Variants in ADTRP observed in about 807,000 individuals in gnomAD.
ADTRP encodes androgen-dependent TFPI-regulating protein.
ADTRP carries 20 observed loss-of-function variants against 27.0 expected under a neutral mutation model. The ratio of observed to expected loss-of-function variants is 0.74; its 90% CI spans 0.52 to 1.08. The LOEUF is 1.08. ADTRP is among the 50% of genes least tolerant of loss of function. The pLI, the probability that ADTRP is intolerant of heterozygous loss-of-function variation, is 0.00. For missense variants in ADTRP, 251 were observed against 275.0 expected, an observed-to-expected ratio of 0.91 and a Z score of 0.62; for synonymous variants, 101 against 105.2, an observed-to-expected ratio of 0.96 and a Z score of 0.25.
At chr6:11,742,159 T>TA (rs746768138) in intron 3 of ADTRP, among the ~76,000 whole-genome samples, 1 of 152,150 alleles carries the variant, frequency 6.6e-6, no homozygotes, top group Non-Finnish European at 1.5e-5. Context: ...CTCCCCAGCA[T>TA]AAAAACCTTC....
chr6:11,752,556 G>T (rs747750695), intron 3 of ADTRP, among the ~76,000 whole-genome samples: 1 of 152,168 alleles, frequency 6.6e-6, no homozygotes, highest in East Asian at 1.9e-4. Flanking sequence ...CCAGATGGGG[G>T]TGATTCATGG....
chr6:11,771,930 C>A (rs1389986247), intron 1 of ADTRP, among the ~76,000 whole-genome samples: 1 of 152,176 alleles, frequency 6.6e-6, no homozygotes, highest in African/African-American at 2.4e-5. Flanking sequence ...CTTCCAGCCT[C>A]CAGAACTATG....
intron 4 of ADTRP, among the ~76,000 whole-genome samples, chr6:11,723,832 GT>G (rs1368119117): frequency 2.6e-5 from 4 of 152,084 alleles, no homozygotes; most frequent in Non-Finnish European, 2.9e-5. Context: ...GCTGAGGGGG[GT>G]GGATCACCTG....
chr6:11,722,480 C>T (rs540754663), intron 5 of ADTRP, among the ~76,000 whole-genome samples: 15 of 151,988 alleles, frequency 9.9e-5, no homozygotes, highest in Non-Finnish European at 2.2e-4. Flanking sequence ...GGCATGTGGG[C>T]GAGTGATGTG....
intron 3 of ADTRP, among the ~76,000 whole-genome samples, chr6:11,743,049 C>T (rs954936525): frequency 1.3e-5 from 2 of 152,232 alleles, no homozygotes; most frequent in Admixed American, 6.5e-5. Flanking sequence ...CCATCCCCAG[C>T]CCTTCTGTAT....
At chr6:11,749,850 G>A (rs552237219) in intron 3 of ADTRP, among the ~76,000 whole-genome samples, 1 of 152,320 alleles carries the variant, frequency 6.6e-6, no homozygotes, top group Non-Finnish European at 1.5e-5. Context: ...GTGTGCTTGA[G>A]TGACAACATC....
intron 4 of ADTRP, among the ~76,000 whole-genome samples, chr6:11,729,617 C>G (rs1015969931): frequency 1.3e-5 from 2 of 152,136 alleles, no homozygotes; most frequent in African/African-American, 4.8e-5. Context: ...TCCTCAGCCC[C>G]ATCTTTCTTG....
chr6:11,778,799 T>C lies in ADTRP; in HGVS notation c.-40A>G, dbSNP rs745715914. The C allele has an allele frequency of 1.2e-5, 19 of 1,599,316 alleles. No individual in the cohort carries two copies. Among genetic ancestry groups the C allele is most frequent in the African/African-American group, 4.0e-5 (3 of 74,564 alleles). On this transcript the variant is annotated 5_prime_UTR_variant, in exon 1 of 6. Transcript: ENST00000414691. The stretch of plus-strand genomic sequence containing the variant: ...GGGGCACCGTGAATGTCTTGAGTAC[T>C]TTCTGGCGTCCTTCTGTGGGTCACA...
At chr6:11,773,569 C>T (rs1581374803) in intron 1 of ADTRP, among the ~76,000 whole-genome samples, 2 of 152,278 alleles carry the variant, frequency 1.3e-5, no homozygotes, top group East Asian at 1.9e-4. Context: ...AAACCTTGGT[C>T]GAGGCAGCTC....
Position 11,715,806 on chromosome 6 carries a change from C to CTTTTTTTTTTTTTTTTTTTT in ADTRP, c.659-1314_659-1295dup, listed in dbSNP as rs55961408. Among the ~76,000 whole-genome samples the CTTTTTTTTTTTTTTTTTTTT allele has an allele frequency of 1.3e-4, 10 of 77,728 alleles. 1 individual carries two copies. The highest frequency in any genetic ancestry group is 1.5e-4 in the Non-Finnish European group (7 of 45,552). The allele number at this position is 77,728 out of a possible 152,430, so 51.0% of individuals were successfully genotyped here. A position where few individuals can be genotyped will look rare whatever the true frequency, so the allele number is the denominator to read the frequency against. ...TAGAGGTGCACACCACCATGCCCAG[C>CTTTTTTTTTTTTTTTTTTTT]TTTTTTTTTTTTTTTTTTTTTTTTT... On this transcript the variant is annotated intron_variant, in intron 5 of 5. Coordinates refer to ENST00000414691, the MANE Select transcript of ADTRP (RefSeq NM_032744.4).
At chr6:11,738,884 C>T (rs1382530213) in intron 3 of ADTRP, among the ~76,000 whole-genome samples, 1 of 152,096 alleles carries the variant, frequency 6.6e-6, no homozygotes, top group East Asian at 1.9e-4. Context: ...ATTTTCCGGT[C>T]GGGGCTGGGG....
intron 3 of ADTRP, among the ~76,000 whole-genome samples, chr6:11,761,979 A>T (rs1287299883): frequency 6.6e-6 from 1 of 152,176 alleles, no homozygotes; most frequent in South Asian, 2.1e-4. Context: ...AATGCTTGGG[A>T]TGAAGAGTGG....
In ADTRP at chr6:11,717,248, C is replaced by T. The variant is rs1053913308; in HGVS notation, c.659-2736G>A. 5 of 1,286,370 alleles carry T rather than the reference C, an allele frequency of 3.9e-6. No homozygotes were observed. The African/African-American group carries it at 7.7e-5, about 20-fold the overall frequency. The allele number at this position is 1,286,370 out of a possible 1,614,324, so 79.7% of individuals were successfully genotyped here. On this transcript the variant is annotated intron_variant, in intron 5 of 5. Coordinates refer to ENST00000414691, the MANE Select transcript of ADTRP (RefSeq NM_032744.4). ...AGATTCACCCCGACTTGTTTTATTC[C>T]TTTAACTGCTGTCAGATAGTAGCAA...
chr6:11,740,591 A>T (rs1237643833), intron 3 of ADTRP, among the ~76,000 whole-genome samples: 1 of 152,178 alleles, frequency 6.6e-6, no homozygotes, highest in Admixed American at 6.5e-5. Context: ...CATGCGATAA[A>T]GGCATGCAGT....
At chr6:11,762,801 C>T (rs1354335853) in intron 3 of ADTRP, among the ~76,000 whole-genome samples, 4 of 152,184 alleles carry the variant, frequency 2.6e-5, no homozygotes, top group Non-Finnish European at 5.9e-5. Flanking sequence ...TTCACCTCTC[C>T]TTTGGGGCGA....
rs114238793 is a variant in ADTRP, at chr6:11,763,562, C to T, written c.390+2712G>A. On this transcript the variant is annotated intron_variant, in intron 3 of 5. Coordinates refer to ENST00000414691, the MANE Select transcript of ADTRP (RefSeq NM_032744.4). Reference sequence around the variant, plus strand: ...GTACCAAATGCCCAGCCGGACTGCCCGTCATTACTCTGGCTGCCATAGTGG... The same window carrying T: ...GTACCAAATGCCCAGCCGGACTGCCTGTCATTACTCTGGCTGCCATAGTGG... Among the ~76,000 whole-genome samples the T allele has an allele frequency of 8.9e-3, 1,352 of 152,286 alleles. 10 individuals are homozygous for T. Among genetic ancestry groups the T allele is most frequent in the Non-Finnish European group, 0.013 (888 of 68,024 alleles).
chr6:11,770,289 C>A (rs1389229354), intron 1 of ADTRP, among the ~76,000 whole-genome samples: 1 of 152,172 alleles, frequency 6.6e-6, no homozygotes, highest in African/African-American at 2.4e-5. Context: ...TTTTTAAAAT[C>A]CTCCCAGGTG....
intron 5 of ADTRP, among the ~76,000 whole-genome samples, chr6:11,722,117 T>C (rs1762040642): frequency 6.6e-6 from 1 of 152,012 alleles, no homozygotes; most frequent in Admixed American, 6.6e-5. Context: ...TGTCAACACA[T>C]CTGAAATGTC....
intron 3 of ADTRP, among the ~76,000 whole-genome samples, chr6:11,752,513 G>C (rs1763091162): frequency 6.6e-6 from 1 of 152,172 alleles, no homozygotes; most frequent in Admixed American, 6.5e-5. Context: ...CTGTTGAAAA[G>C]GGAAGGGCAG....
Sources: gnomAD v4.1 joint callset for allele counts (sites outside exome capture counted in the v4.1 genomes callset) on GRCh38, gnomAD v4.1.1 for gene constraint, MANE v1.5 for transcripts, NCBI Gene and HGNC (gene_info 2026-07-23, HGNC 2026-07-21) for gene names.